Variants in CNGB3 observed in about 807,000 individuals in gnomAD.
CNGB3 encodes cyclic nucleotide-gated channel beta-3.
A neutral mutation model predicts 92.8 loss-of-function variants in CNGB3; 86 were observed. The ratio of observed to expected loss-of-function variants is 0.93; its 90% CI spans 0.78 to 1.11. The LOEUF (loss-of-function observed/expected upper bound fraction) is 1.11, where lower values mean the gene tolerates loss of function less well. Among genes scored for constraint, CNGB3 ranks in the 50% least tolerant of loss-of-function variants. CNGB3 has a pLI of 0.00. For missense variants in CNGB3, 1,026 were observed against 956.8 expected (o/e 1.07, Z -0.95); for synonymous variants, 333 against 332.7 (o/e 1.00, Z -0.01).
At chr8:86,670,062 A>T (rs1166951988) in intron 4 of CNGB3, among the ~76,000 whole-genome samples, 1 of 151,952 alleles carries the variant, frequency 6.6e-6, no homozygotes, top group East Asian at 1.9e-4. Flanking sequence ...GTTGGCCAGG[A>T]TGGTCTTGAT....
intron 15 of CNGB3, among the ~76,000 whole-genome samples, chr8:86,592,291 C>T (rs1296388831): frequency 6.6e-6 from 1 of 152,234 alleles, no homozygotes; most frequent in South Asian, 2.1e-4. Context: ...ATGCAGAAAT[C>T]ACCCGTCTTC....
chr8:86,722,430 G>T (rs1824988554), intron 3 of CNGB3, among the ~76,000 whole-genome samples: 1 of 152,094 alleles, frequency 6.6e-6, no homozygotes, highest in East Asian at 1.9e-4. Flanking sequence ...ATAATGAATT[G>T]TTTGCTTTTG....
chr8:86,611,517 G>T, intron 14 of CNGB3, 71 bp downstream of exon 14: 1 of 1,262,384 alleles, frequency 7.9e-7, no homozygotes, highest in Non-Finnish European at 1.2e-6. Context: ...TTTAAACAAT[G>T]TTCTTGACTT....
At chr8:86,726,430 T>C (rs1825061714) in intron 3 of CNGB3, 101 bp downstream of exon 3, 1 of 1,509,412 alleles carries the variant, frequency 6.6e-7, no homozygotes, top group Non-Finnish European at 9.2e-7. Flanking sequence ...GAATTTTTTC[T>C]GCCCTTATAT....
At chr8:86,673,720 C>T (rs1221532355) in intron 3 of CNGB3, among the ~76,000 whole-genome samples, 3 of 152,118 alleles carry the variant, frequency 2.0e-5, no homozygotes, top group African/African-American at 7.2e-5. Flanking sequence ...AGAGACTAGA[C>T]TCATGAAGAT....
chr8:86,720,540 C>G (rs1371145765), intron 3 of CNGB3, among the ~76,000 whole-genome samples: 1 of 152,066 alleles, frequency 6.6e-6, no homozygotes, highest in African/African-American at 2.4e-5. Flanking sequence ...AACACTTACA[C>G]TGTTGGTGGG....
At chr8:86,624,629 G>A (rs551130835) in intron 13 of CNGB3, among the ~76,000 whole-genome samples, 21 of 151,886 alleles carry the variant, frequency 1.4e-4, no homozygotes, top group Non-Finnish European at 2.1e-4. Context: ...ATTCCCTCCT[G>A]TCCTCATTCC....
In CNGB3 at chr8:86,578,764, A is replaced by T; in HGVS notation, c.2028T>A (p.Phe676Leu). 1 of 1,613,926 alleles carries T rather than the reference A, an allele frequency of 6.2e-7. No individual in the cohort carries two copies. The highest frequency in any genetic ancestry group is 1.1e-5 in the South Asian group (1 of 91,040). ...TTCCTGTGCCTCCTAGGAGAGTTTT[A>T]AACAGTTTGGGTGTCTCTTCTTTCG... is the stretch of plus-strand genomic sequence containing the variant. ...FPPKEETPKL[F>L]KTLLGGTGKA... Residue 676 changes from phenylalanine (F) to leucine (L), a missense_variant, in exon 17 of 18, where the codon TTT becomes TTA. Phe to Leu is a conservative substitution (Grantham distance 22, BLOSUM62 0). Transcript: ENST00000320005.
At chr8:86,615,195 T>C (rs2131570426) in intron 13 of CNGB3, among the ~76,000 whole-genome samples, 1 of 152,246 alleles carries the variant, frequency 6.6e-6, no homozygotes, top group East Asian at 1.9e-4. Flanking sequence ...GTGGATACCA[T>C]GGGGTAGACT....
At chr8:86,694,744 C>T (rs559559915) in intron 3 of CNGB3, among the ~76,000 whole-genome samples, 22 of 151,652 alleles carry the variant, frequency 1.5e-4, no homozygotes, top group African/African-American at 2.4e-4. Context: ...GATGGGATGG[C>T]GGCGGGGAAG....
At chr8:86,714,647 C>T (rs1824814648) in intron 3 of CNGB3, among the ~76,000 whole-genome samples, 1 of 152,118 alleles carries the variant, frequency 6.6e-6, no homozygotes, top group African/African-American at 2.4e-5. Context: ...AGAGAATCCA[C>T]AGACCCTTTG....
At chr8:86,602,905 T>C (rs1394232574) in intron 15 of CNGB3, among the ~76,000 whole-genome samples, 1 of 152,194 alleles carries the variant, frequency 6.6e-6, no homozygotes, top group African/African-American at 2.4e-5. Context: ...TAAAAGACCA[T>C]GTTATCTGGG....
chr8:86,598,270 G>T (rs1767348475), intron 15 of CNGB3, among the ~76,000 whole-genome samples: 1 of 152,228 alleles, frequency 6.6e-6, no homozygotes, highest in South Asian at 2.1e-4. Flanking sequence ...GTGACTTGAA[G>T]TAAGCCACTG....
At chr8:86,712,049 A>G (rs1824761010) in intron 3 of CNGB3, among the ~76,000 whole-genome samples, 1 of 152,018 alleles carries the variant, frequency 6.6e-6, no homozygotes, top group East Asian at 1.9e-4. Flanking sequence ...TGCTTCTGGT[A>G]TTGAATTTTG....
At chr8:86,599,703 G>A (rs1338909011) in intron 15 of CNGB3, among the ~76,000 whole-genome samples, 6 of 152,134 alleles carry the variant, frequency 3.9e-5, no homozygotes, top group African/African-American at 1.2e-4. Flanking sequence ...TTATTAGGAC[G>A]AGAAAATTCC....
intron 3 of CNGB3, among the ~76,000 whole-genome samples, chr8:86,687,845 G>A (rs1412612630): frequency 2.0e-5 from 3 of 151,872 alleles, no homozygotes; most frequent in Non-Finnish European, 2.9e-5. Flanking sequence ...CTTGTAGTAT[G>A]GTAAGTTCCA....
intron 6 of CNGB3, among the ~76,000 whole-genome samples, chr8:86,666,630 G>A (rs768000005): frequency 6.6e-6 from 1 of 152,142 alleles, no homozygotes; most frequent in Non-Finnish European, 1.5e-5. Context: ...CACAATCTAG[G>A]CACTTCACAG....
rs76460655 is a variant in CNGB3 at position 86,623,081 on chromosome 8, T to C, written c.1578+2902A>G. On this transcript the variant is annotated intron_variant, in intron 13 of 17. Transcript: ENST00000320005. Reference sequence around the variant, plus strand: ...TCTAATATTATTGATTATATAATTTTAAGACATATCCTTCTGTCTGGATTA... The same window carrying C: ...TCTAATATTATTGATTATATAATTTCAAGACATATCCTTCTGTCTGGATTA... Among the ~76,000 whole-genome samples the C allele has an allele frequency of 4.2e-3, 635 of 152,338 alleles. 4 individuals carry two copies. The highest frequency in any genetic ancestry group is 0.014 in the African/African-American group (600 of 41,578).
intron 13 of CNGB3, among the ~76,000 whole-genome samples, chr8:86,621,112 CA>C (rs1822717765): frequency 6.6e-6 from 1 of 152,070 alleles, no homozygotes; most frequent in Non-Finnish European, 1.5e-5. Context: ...AACTATGAGG[CA>C]AAAAACTGAT....
Sources: gnomAD v4.1 joint callset for allele counts (sites outside exome capture counted in the v4.1 genomes callset) on GRCh38, gnomAD v4.1.1 for gene constraint, MANE v1.5 for transcripts, NCBI Gene and HGNC (gene_info 2026-07-23, HGNC 2026-07-21) for gene names.